Variants in PPP2R2B observed in about 807,000 individuals in gnomAD.
The protein encoded by PPP2R2B is serine/threonine-protein phosphatase 2A 55 kDa regulatory subunit B beta isoform.
A neutral mutation model predicts 46.0 loss-of-function variants in PPP2R2B; 5 were observed. That is an observed-to-expected ratio of 0.11 (90% CI 0.06 to 0.23). The LOEUF (loss-of-function observed/expected upper bound fraction) is 0.23, where lower values mean the gene tolerates loss of function less well. PPP2R2B is among the 10% of genes least tolerant of loss of function. The probability of loss-of-function intolerance (pLI) is 1.00; values close to 1 mark genes in which losing one functional copy is unlikely to be tolerated. For missense variants in PPP2R2B, 367 were observed against 575.0 expected (o/e 0.64, Z 3.70); for synonymous variants, 215 against 206.7 (o/e 1.04, Z -0.34).
intron 5 of PPP2R2B, among the ~76,000 whole-genome samples, chr5:146,672,470 C>CA (rs1048199629): frequency 4.0e-5 from 6 of 150,590 alleles, no homozygotes; most frequent in South Asian, 2.1e-4. Flanking sequence ...GAATTAGAGG[C>CA]AAAAAAATAG....
intron 5 of PPP2R2B, among the ~76,000 whole-genome samples, chr5:146,663,161 A>G (rs1399770685): frequency 6.6e-6 from 1 of 152,208 alleles, no homozygotes; most frequent in African/African-American, 2.4e-5. Flanking sequence ...TATCTGAGAC[A>G]CAAAGCAGTA....
chr5:146,821,923 T>C (rs1758285910), intron 2 of PPP2R2B, among the ~76,000 whole-genome samples: 1 of 152,208 alleles, frequency 6.6e-6, no homozygotes, highest in African/African-American at 2.4e-5. Context: ...TATTCACATT[T>C]TACCAATGGC....
chr5:146,668,310 C>A (rs1012988459), intron 5 of PPP2R2B, among the ~76,000 whole-genome samples: 1 of 152,162 alleles, frequency 6.6e-6, no homozygotes, highest in African/African-American at 2.4e-5. Flanking sequence ...ATAAGGAGGG[C>A]AAAGCACAAG....
chr5:146,930,938 C>T (rs576929431), intron 1 of PPP2R2B, among the ~76,000 whole-genome samples: 1 of 152,280 alleles, frequency 6.6e-6, no homozygotes, highest in East Asian at 1.9e-4. Context: ...TTTTAACTTG[C>T]AAAAGCTTAA....
intron 2 of PPP2R2B, among the ~76,000 whole-genome samples, chr5:146,809,478 T>C (rs1757391722): frequency 6.6e-6 from 1 of 151,928 alleles, no homozygotes; most frequent in Non-Finnish European, 1.5e-5. Flanking sequence ...ATTATAATAA[T>C]GGCTGGGAAT....
intron 2 of PPP2R2B, among the ~76,000 whole-genome samples, chr5:146,795,808 G>A (rs116429672): frequency 0.035 from 5,321 of 152,142 alleles, 92 homozygotes; most frequent in Non-Finnish European, 0.044. Flanking sequence ...ACATCTCAAA[G>A]CTGAAAAAGT....
At chr5:146,860,910 A>G (rs1370287122) in intron 2 of PPP2R2B, among the ~76,000 whole-genome samples, 3 of 152,156 alleles carry the variant, frequency 2.0e-5, no homozygotes, top group Non-Finnish European at 4.4e-5. Context: ...CAAAGGGGCT[A>G]TAAATCTAAG....
intron 2 of PPP2R2B, among the ~76,000 whole-genome samples, chr5:146,826,958 TACTGGA>T (rs1758619587): frequency 6.6e-6 from 1 of 152,232 alleles, no homozygotes; most frequent in Admixed American, 6.5e-5. Flanking sequence ...TTTTCAACCT[TACTGGA>T]ACACTAGCTC....
chr5:146,730,954 A>G (rs895564314), intron 2 of PPP2R2B, among the ~76,000 whole-genome samples: 4 of 152,188 alleles, frequency 2.6e-5, no homozygotes, highest in Admixed American at 2.6e-4. Context: ...GAAGAAACCG[A>G]TGAGGCCTTC....
intron 7 of PPP2R2B, among the ~76,000 whole-genome samples, chr5:146,637,373 C>T (rs1482755706): frequency 6.6e-6 from 1 of 152,188 alleles, no homozygotes; most frequent in African/African-American, 2.4e-5. Flanking sequence ...GGTAAGGCCA[C>T]AGATGCTGCT....
chr5:146,646,250 T>C (rs1471971766), intron 6 of PPP2R2B, among the ~76,000 whole-genome samples: 2 of 152,220 alleles, frequency 1.3e-5, no homozygotes, highest in Non-Finnish European at 2.9e-5. Flanking sequence ...GCCTATTTAA[T>C]AGATCCCATG....
At position 146,749,588 on chromosome 5, in the gene PPP2R2B, CT is replaced by C. The variant is rs894323854; in HGVS notation, c.71-48447del. 3.4e-5 allele frequency among the ~76,000 whole-genome samples: 5 copies of C among 145,494 alleles called. No homozygotes were observed. The East Asian group carries it at 6.0e-4, about 17-fold the overall frequency. On this transcript the variant is annotated intron_variant, in intron 2 of 9. Transcript: ENST00000394411. ...GCTTAGCCTAGATCCTGAAGATTTCCTTTTTTTCTTTTCTTTTCTTTTTTTT... is the reference window on the plus strand; with the variant it reads ...GCTTAGCCTAGATCCTGAAGATTTCCTTTTTTCTTTTCTTTTCTTTTTTTT...
rs1347515478 is a variant in PPP2R2B at position 146,583,269 on chromosome 5, T to A, written c.*6678A>T. 6.6e-6 allele frequency: 1 copy of A among 152,158 alleles called. No homozygotes were observed. The highest frequency in any genetic ancestry group is 1.5e-5 in the Non-Finnish European group (1 of 68,042). 9.4% of individuals were successfully genotyped at this position (152,158 alleles called of 1,614,324 possible). ...TCCTCCTGGCACCCAGACACATCCA[T>A]CATAGTGCATATGTTTTATAGGATT... On this transcript the variant is annotated 3_prime_UTR_variant, in exon 10 of 10. Coordinates refer to ENST00000394411, the MANE Select transcript of PPP2R2B (RefSeq NM_181675.4).
At chr5:146,683,966 C>T (rs554346598) in intron 5 of PPP2R2B, among the ~76,000 whole-genome samples, 5 of 152,264 alleles carry the variant, frequency 3.3e-5, no homozygotes, top group South Asian at 2.1e-4. Flanking sequence ...ATCCACCCGC[C>T]GAGGCAGGAT....
intron 1 of PPP2R2B, among the ~76,000 whole-genome samples, chr5:146,950,534 A>T (rs1456621625): frequency 4.6e-5 from 7 of 152,078 alleles, no homozygotes; most frequent in Non-Finnish European, 5.9e-5. Flanking sequence ...CCTGAAGTTC[A>T]GGTTCAACTG....
intron 1 of PPP2R2B, among the ~76,000 whole-genome samples, chr5:146,959,829 G>A (rs1342957341): frequency 6.6e-6 from 1 of 152,120 alleles, no homozygotes; most frequent in Non-Finnish European, 1.5e-5. Flanking sequence ...ATACAGAAAG[G>A]AGAACCAGCT....
chr5:146,912,038 G>A (rs915073477), intron 1 of PPP2R2B, among the ~76,000 whole-genome samples: 3 of 152,112 alleles, frequency 2.0e-5, no homozygotes, highest in East Asian at 3.9e-4. Flanking sequence ...AGGAGTTCGC[G>A]ACCAGCCTGG....
At chr5:146,706,498 G>T in intron 2 of PPP2R2B, 1 of 1,193,496 alleles carries the variant, frequency 8.4e-7, no homozygotes, top group Non-Finnish European at 1.2e-6. Flanking sequence ...ATGTTCATCA[G>T]CTTCTGGTAG....
At chr5:147,039,265 A>C (rs1202019675) in intron 1 of PPP2R2B, among the ~76,000 whole-genome samples, 1 of 152,062 alleles carries the variant, frequency 6.6e-6, no homozygotes, top group Non-Finnish European at 1.5e-5. Context: ...AGCCCTTATC[A>C]CTATGTTAAA....
Sources: allele counts gnomAD v4.1 joint callset (sites outside exome capture counted in the v4.1 genomes callset), GRCh38; gene constraint gnomAD v4.1.1; transcripts MANE v1.5; gene names NCBI Gene and HGNC (gene_info 2026-07-23, HGNC 2026-07-21).